The following NBAS variants were observed in gnomAD, a reference collection of about 807,000 sequenced individuals.
The protein encoded by NBAS is NBAS subunit of NRZ tethering complex, also known as NAG/BC035112 fusion.
A neutral mutation model predicts 302.5 loss-of-function variants in NBAS; 219 were observed. The ratio of observed to expected loss-of-function variants is 0.72; its 90% CI spans 0.65 to 0.81. The LOEUF (loss-of-function observed/expected upper bound fraction) is 0.81. Ranked by LOEUF, NBAS falls within the 30% of genes least tolerant of loss-of-function variation. NBAS has a pLI of 0.00. For missense variants in NBAS, 2,932 were observed against 2,841.6 expected (o/e 1.03, Z -0.72); for synonymous variants, 1,118 against 1,021.6 (o/e 1.09, Z -1.80).
chr2:14,785,536 T>C, the NBAS span, among the ~76,000 whole-genome samples: 3 of 152,240 alleles, frequency 2.0e-5, no homozygotes, highest in Admixed American at 1.3e-4. Flanking sequence ...TGAAGGGCTG[T>C]TGAATTTTGT....
intron 31 of NBAS, among the ~76,000 whole-genome samples, 187 bp from the exon 32 acceptor site, chr2:15,366,880 G>A (rs1291020285): frequency 1.3e-5 from 2 of 152,168 alleles, no homozygotes; most frequent in African/African-American, 4.8e-5. Context: ...AGTAAATAAT[G>A]TACAACCTTG....
intron 28 of NBAS, among the ~76,000 whole-genome samples, chr2:15,383,544 G>A (rs1311950496): frequency 6.6e-6 from 1 of 152,166 alleles, no homozygotes; most frequent in Non-Finnish European, 1.5e-5. Flanking sequence ...TAGAGATGGT[G>A]ACAAAGTGGT....
intron 44 of NBAS, among the ~76,000 whole-genome samples, chr2:15,274,755 C>G (rs1305637021): frequency 6.6e-6 from 1 of 151,812 alleles, no homozygotes; most frequent in African/African-American, 2.4e-5. Context: ...TGAATAACAT[C>G]TTTTTTATTT....
At chr2:15,349,502 AG>A (rs1473270777) in intron 35 of NBAS, among the ~76,000 whole-genome samples, 2 of 152,176 alleles carry the variant, frequency 1.3e-5, no homozygotes, top group African/African-American at 4.8e-5. Context: ...TGCCATCTGA[AG>A]GGAGTGAGTG....
intron 9 of NBAS, among the ~76,000 whole-genome samples, chr2:15,526,201 G>T (rs1662905067): frequency 6.6e-6 from 1 of 152,182 alleles, no homozygotes; most frequent in Non-Finnish European, 1.5e-5. Flanking sequence ...GAATGAGATA[G>T]TCTGCGTGTT....
chr2:15,305,710 G>A (rs1257367819), intron 40 of NBAS, among the ~76,000 whole-genome samples: 1 of 152,132 alleles, frequency 6.6e-6, no homozygotes, highest in South Asian at 2.1e-4. Context: ...GTCTCCCAAA[G>A]TGTTGTGATT....
At chr2:15,370,342 C>T (rs1047868341) in intron 31 of NBAS, among the ~76,000 whole-genome samples, 1 of 152,126 alleles carries the variant, frequency 6.6e-6, no homozygotes, top group East Asian at 1.9e-4. Flanking sequence ...TGCCCAGGCT[C>T]GGGTGCGGTG....
the NBAS span, among the ~76,000 whole-genome samples, chr2:14,782,268 A>G: frequency 2.6e-5 from 4 of 152,236 alleles, no homozygotes; most frequent in South Asian, 4.2e-4. Flanking sequence ...TCTTAAAACA[A>G]TGTTCCCCCC....
the NBAS span, among the ~76,000 whole-genome samples, chr2:14,800,133 T>C: frequency 4.6e-5 from 7 of 152,238 alleles, no homozygotes; most frequent in Admixed American, 4.6e-4. Flanking sequence ...CCTTTTAACT[T>C]TTATTCTACT....
At chr2:14,802,408 C>G in the NBAS span, among the ~76,000 whole-genome samples, 2 of 151,368 alleles carry the variant, frequency 1.3e-5, no homozygotes, top group Non-Finnish European at 2.9e-5. Flanking sequence ...CAGTCCCATG[C>G]TGTTTTGGTT....
the NBAS span, among the ~76,000 whole-genome samples, chr2:14,832,109 G>A: frequency 6.6e-6 from 1 of 152,116 alleles, no homozygotes; most frequent in East Asian, 1.9e-4. Flanking sequence ...TTTCACCTAT[G>A]TATTTCTTCC....
rs1572629631 is a variant in NBAS, at chr2:15,308,113, A to G, written c.4797+103T>C. On this transcript the variant is annotated intron_variant, in intron 40 of 51. Coordinates refer to ENST00000281513, the MANE Select transcript of NBAS (RefSeq NM_015909.4). ...GCCTGCCACTTGGAATACATTCTGG[A>G]TACATATGTAATCAGTTCCTCCAAA... The G allele has an allele frequency of 5.9e-6, 9 of 1,532,312 alleles. No homozygotes were observed. The East Asian group carries it at 1.8e-4, about 31-fold the overall frequency. The allele number at this position is 1,532,312 out of a possible 1,614,324, so 94.9% of individuals were successfully genotyped here. A position where few individuals can be genotyped will look rare whatever the true frequency, so the allele number is the denominator to read the frequency against.
intron 35 of NBAS, among the ~76,000 whole-genome samples, chr2:15,337,690 A>C (rs1672653545): frequency 1.3e-5 from 2 of 152,216 alleles, no homozygotes; most frequent in Admixed American, 6.5e-5. Flanking sequence ...TCTCCTAATG[A>C]GAATCATGAA....
the NBAS span, among the ~76,000 whole-genome samples, chr2:15,020,264 C>G: frequency 1.3e-5 from 2 of 152,198 alleles, no homozygotes; most frequent in African/African-American, 4.8e-5. Flanking sequence ...TTATTAATAA[C>G]CTTTTTAAGA....
chr2:15,053,006 T>C, the NBAS span, among the ~76,000 whole-genome samples: 1 of 152,162 alleles, frequency 6.6e-6, no homozygotes, highest in Non-Finnish European at 1.5e-5. Flanking sequence ...AAATAATTTA[T>C]GTATTGTATT....
chr2:15,142,896 G>A, the NBAS span, among the ~76,000 whole-genome samples: 2 of 152,166 alleles, frequency 1.3e-5, no homozygotes, highest in African/African-American at 4.8e-5. Context: ...ACATCCCTCC[G>A]TTTTGCTAAT....
At chr2:14,791,221 C>T in the NBAS span, among the ~76,000 whole-genome samples, 15 of 151,952 alleles carry the variant, frequency 9.9e-5, no homozygotes, top group African/African-American at 3.6e-4. Context: ...GAACCCCCAA[C>T]CTCAGGTGAT....
chr2:15,180,928 A>C (rs1413591634), intron 50 of NBAS, among the ~76,000 whole-genome samples: 1 of 152,216 alleles, frequency 6.6e-6, no homozygotes, highest in African/African-American at 2.4e-5. Flanking sequence ...AAAAATGCAC[A>C]GAAAAACTAT....
the NBAS span, among the ~76,000 whole-genome samples, chr2:14,896,555 A>G: frequency 6.6e-6 from 1 of 152,178 alleles, no homozygotes; most frequent in Non-Finnish European, 1.5e-5. Context: ...ATTAGCTGCT[A>G]AGAAACACAC....
Sources: gnomAD v4.1 joint callset for allele counts (sites outside exome capture counted in the v4.1 genomes callset) on GRCh38, gnomAD v4.1.1 for gene constraint, MANE v1.5 for transcripts, NCBI Gene and HGNC (gene_info 2026-07-23, HGNC 2026-07-21) for gene names.